The following SLC16A7 variants were observed in gnomAD, a reference collection of about 807,000 sequenced individuals.
SLC16A7 encodes solute carrier family 16 member 7.
In SLC16A7, 33 loss-of-function variants were observed where a neutral mutation model predicts 34.9. The observed-to-expected ratio is 0.94, with a 90% CI of 0.72 to 1.26. SLC16A7 has a LOEUF of 1.26. SLC16A7 is among the 50% of genes most tolerant of loss of function. The probability of loss-of-function intolerance (pLI) is 0.00; values close to 1 mark genes in which losing one functional copy is unlikely to be tolerated. For synonymous variants in SLC16A7, 201 were observed against 206.6 expected (o/e 0.97, Z 0.23); for missense variants, 573 against 578.1 (o/e 0.99, Z 0.09).
chr12:59,720,888 A>G (rs1294330526), intron 3 of SLC16A7, among the ~76,000 whole-genome samples: 3 of 151,920 alleles, frequency 2.0e-5, no homozygotes, highest in Non-Finnish European at 4.4e-5. Context: ...TACCATCTAA[A>G]CTTCAGATTC....
intron 3 of SLC16A7, among the ~76,000 whole-genome samples, chr12:59,725,030 T>C (rs1308863563): frequency 6.6e-6 from 1 of 151,958 alleles, no homozygotes; most frequent in Admixed American, 6.6e-5. Context: ...GGAATAATAG[T>C]ATAATTCCAA....
chr12:59,716,624 G>T (rs533831612), intron 3 of SLC16A7, among the ~76,000 whole-genome samples: 1 of 152,254 alleles, frequency 6.6e-6, no homozygotes, highest in African/African-American at 2.4e-5. Flanking sequence ...AAGGCAGGGG[G>T]ATCACTTGAG....
At chr12:59,622,619 G>T (rs1238427774) in intron 1 of SLC16A7, among the ~76,000 whole-genome samples, 1 of 151,580 alleles carries the variant, frequency 6.6e-6, no homozygotes, top group Non-Finnish European at 1.5e-5. Flanking sequence ...TGTTTACTTT[G>T]TGGTTTTTTG....
At chr12:59,751,321 G>A (rs528671995) in intron 3 of SLC16A7, among the ~76,000 whole-genome samples, 10 of 152,342 alleles carry the variant, frequency 6.6e-5, no homozygotes, top group South Asian at 2.1e-4. Flanking sequence ...CTCGGGAAGC[G>A]CAAGGGGTCA....
chr12:59,635,712 T>C (rs1181082249), intron 1 of SLC16A7, among the ~76,000 whole-genome samples: 2 of 152,084 alleles, frequency 1.3e-5, no homozygotes, highest in Non-Finnish European at 2.9e-5. Flanking sequence ...ACAAGACTCC[T>C]GTGTAGCCCA....
At chr12:59,768,186 A>T (rs1449766849) in intron 3 of SLC16A7, 5 of 455,756 alleles carry the variant, frequency 1.1e-5, no homozygotes, top group Non-Finnish European at 2.2e-5. Context: ...ATCTTCTGGA[A>T]AGGATTTGCT....
At chr12:59,755,974 T>C (rs1008924362) in intron 3 of SLC16A7, among the ~76,000 whole-genome samples, 1 of 152,168 alleles carries the variant, frequency 6.6e-6, no homozygotes, top group African/African-American at 2.4e-5. Flanking sequence ...CTATCTGATC[T>C]TGGACAAACC....
At chr12:59,774,208 T>C (rs1405643394) in intron 4 of SLC16A7, among the ~76,000 whole-genome samples, 1 of 152,212 alleles carries the variant, frequency 6.6e-6, no homozygotes, top group Admixed American at 6.5e-5. Context: ...TTTAGTCTGT[T>C]TATAATTCTT....
intron 3 of SLC16A7, among the ~76,000 whole-genome samples, chr12:59,706,136 CTGTGGTCTCTG>C (rs1873539680): frequency 6.6e-6 from 1 of 152,084 alleles, no homozygotes; most frequent in Non-Finnish European, 1.5e-5. Context: ...CATTTAACAC[CTGTGGTCTCTG>C]ACTTTCTCAT....
chr12:59,612,771 C>T (rs1272752151), intron 1 of SLC16A7, among the ~76,000 whole-genome samples: 2 of 152,220 alleles, frequency 1.3e-5, no homozygotes, highest in African/African-American at 2.4e-5. Context: ...AGTCTGTTTG[C>T]ATAGCAAGAG....
At chr12:59,755,285 T>A (rs1336011697) in intron 3 of SLC16A7, among the ~76,000 whole-genome samples, 32 of 152,086 alleles carry the variant, frequency 2.1e-4, no homozygotes. Context: ...AAATAAAGGG[T>A]ATTCAATTAG....
chr12:59,636,876 T>C (rs1880452615), intron 1 of SLC16A7, among the ~76,000 whole-genome samples: 1 of 152,168 alleles, frequency 6.6e-6, no homozygotes, highest in African/African-American at 2.4e-5. Flanking sequence ...ACTTTTCATG[T>C]AGTATGTAGA....
intron 5 of SLC16A7, among the ~76,000 whole-genome samples, chr12:59,777,921 C>A (rs533445710): frequency 5.3e-5 from 8 of 150,584 alleles, no homozygotes; most frequent in Non-Finnish European, 1.0e-4. Context: ...TTTGTTCTTG[C>A]GATAGTTTAC....
intron 3 of SLC16A7, among the ~76,000 whole-genome samples, chr12:59,705,279 T>C (rs1357954910): frequency 6.6e-6 from 1 of 152,200 alleles, no homozygotes; most frequent in East Asian, 1.9e-4. Flanking sequence ...TACTAAATTA[T>C]GGAATTTCTA....
chr12:59,733,056 A>G (rs1013937181), intron 3 of SLC16A7, among the ~76,000 whole-genome samples: 9 of 152,182 alleles, frequency 5.9e-5, no homozygotes, highest in South Asian at 2.1e-4. Context: ...CTCAACAAAT[A>G]TGAGTTGTCT....
intron 3 of SLC16A7, among the ~76,000 whole-genome samples, chr12:59,745,341 C>T (rs1227549533): frequency 6.6e-6 from 1 of 152,168 alleles, no homozygotes. Flanking sequence ...TTGTCACTGG[C>T]ATAGAGTCCT....
At chr12:59,605,892 AC>A (rs1878915433) in intron 1 of SLC16A7, among the ~76,000 whole-genome samples, 1 of 152,160 alleles carries the variant, frequency 6.6e-6, no homozygotes, top group African/African-American at 2.4e-5. Context: ...AAGCTGTTTG[AC>A]CACAGTCAAG....
Position 59,753,129 on chromosome 12 carries a change from C to T in SLC16A7, c.218-18090C>T, listed in dbSNP as rs897541360. The stretch of plus-strand genomic sequence containing the variant: ...AGCACTAAACCTGGAAAGGAACAAC[C>T]AGTACCAGCCACTGCAAAATCATGC... On this transcript the variant is annotated intron_variant, in intron 3 of 5. Coordinates refer to ENST00000547379, the MANE Select transcript of SLC16A7 (RefSeq NM_001270623.2). Among the ~76,000 whole-genome samples, 4 of 152,202 alleles carry T rather than the reference C, an allele frequency of 2.6e-5. No homozygotes were observed. In the East Asian group the frequency reaches 5.8e-4, roughly 22 times the overall value.
intron 1 of SLC16A7, among the ~76,000 whole-genome samples, chr12:59,643,178 A>G (rs761675619): frequency 6.6e-5 from 10 of 152,140 alleles, no homozygotes; most frequent in Non-Finnish European, 1.2e-4. Context: ...CAATGTAATT[A>G]TTCACATTTT....
Sources: allele counts gnomAD v4.1 joint callset (sites outside exome capture counted in the v4.1 genomes callset), GRCh38; gene constraint gnomAD v4.1.1; transcripts MANE v1.5; gene names NCBI Gene and HGNC (gene_info 2026-07-23, HGNC 2026-07-21).